MEI4: variants seen among roughly 807,000 people sequenced by gnomAD.
The protein encoded by MEI4 is meiotic double-stranded break formation protein 4.
Under a neutral mutation model 31.4 loss-of-function variants are expected in MEI4, and 27 were observed. The ratio of observed to expected loss-of-function variants is 0.86; its 90% CI spans 0.63 to 1.19. The LOEUF (loss-of-function observed/expected upper bound fraction) is 1.19, where lower values mean the gene tolerates loss of function less well. Ranked by LOEUF, MEI4 falls within the 50% of genes most tolerant of loss-of-function variation. The pLI is 0.00. For missense variants in MEI4, 329 were observed against 398.9 expected (o/e 0.82, Z 1.49); for synonymous variants, 122 against 145.4 (o/e 0.84, Z 1.16).
chr6:77,810,497 G>A (rs998943631), intron 3 of MEI4, among the ~76,000 whole-genome samples: 2 of 151,890 alleles, frequency 1.3e-5, no homozygotes, highest in African/African-American at 4.8e-5. Flanking sequence ...GGGTGAAGAA[G>A]GCATCTGCCC....
At chr6:77,802,173 A>T (rs563771712) in intron 3 of MEI4, among the ~76,000 whole-genome samples, 1 of 152,294 alleles carries the variant, frequency 6.6e-6, no homozygotes, top group African/African-American at 2.4e-5. Context: ...GTGCATATAT[A>T]GTTATGATAG....
chr6:77,846,410 G>A (rs1770488085), intron 4 of MEI4, among the ~76,000 whole-genome samples: 1 of 152,062 alleles, frequency 6.6e-6, no homozygotes, highest in African/African-American at 2.4e-5. Flanking sequence ...CACTGAACAT[G>A]TCAAATTATC....
intron 3 of MEI4, among the ~76,000 whole-genome samples, chr6:77,764,496 G>T (rs544923888): frequency 6.6e-6 from 1 of 151,930 alleles, no homozygotes; most frequent in South Asian, 2.1e-4. Context: ...TTTTGGCTTA[G>T]TTTATTCTTC....
intron 4 of MEI4, among the ~76,000 whole-genome samples, chr6:77,872,484 G>T (rs1017275284): frequency 6.6e-6 from 1 of 152,008 alleles, no homozygotes; most frequent in Non-Finnish European, 1.5e-5. Flanking sequence ...TGAATACAAA[G>T]TTGCTTTCTG....
chr6:77,834,889 A>AGGTTAT (rs1770177563), intron 4 of MEI4, among the ~76,000 whole-genome samples: 2 of 152,064 alleles, frequency 1.3e-5, no homozygotes, highest in Admixed American at 1.3e-4. Flanking sequence ...CATATAAGTA[A>AGGTTAT]ACAGGTTAGT....
intron 3 of MEI4, among the ~76,000 whole-genome samples, chr6:77,789,968 C>A (rs544204472): frequency 6.6e-6 from 1 of 152,054 alleles, no homozygotes. Flanking sequence ...ATGTTTATTG[C>A]GGCACTATTC....
In MEI4 at chr6:77,899,280, A is replaced by G. The variant is rs573121551; in HGVS notation, c.901-23809A>G. 6.1e-4 allele frequency among the ~76,000 whole-genome samples: 93 copies of G among 152,182 alleles called. 1 individual carries two copies. Among genetic ancestry groups the G allele is most frequent in the African/African-American group, 2.1e-3 (89 of 41,566 alleles). On this transcript the variant is annotated intron_variant, in intron 4 of 4. Coordinates refer to ENST00000684080, the MANE Select transcript of MEI4 (RefSeq NM_001322247.2). ...GTAAATATTTAACTGATCCATTGCC[A>G]CCTGGAACAAAACTGGAGTCTGTTG...
chr6:77,843,750 A>G (rs1770416287), intron 4 of MEI4, among the ~76,000 whole-genome samples: 2 of 152,124 alleles, frequency 1.3e-5, no homozygotes, highest in African/African-American at 4.8e-5. Context: ...AACTCAAAAT[A>G]TGAAAATAAG....
intron 3 of MEI4, among the ~76,000 whole-genome samples, chr6:77,782,943 T>G (rs978749013): frequency 1.3e-5 from 2 of 152,210 alleles, no homozygotes; most frequent in Non-Finnish European, 2.9e-5. Flanking sequence ...TTATTTCTCC[T>G]TAGAGCTTTT....
At chr6:77,874,906 A>G (rs1412877504) in intron 4 of MEI4, among the ~76,000 whole-genome samples, 3 of 152,000 alleles carry the variant, frequency 2.0e-5, no homozygotes, top group Non-Finnish European at 4.4e-5. Flanking sequence ...GCTGGATTAC[A>G]TTTATTGATT....
intron 3 of MEI4, among the ~76,000 whole-genome samples, chr6:77,805,760 G>A (rs553637188): frequency 9.2e-5 from 14 of 152,048 alleles, no homozygotes; most frequent in Admixed American, 4.6e-4. Context: ...AATATATACA[G>A]GTCTCTTACA....
chr6:77,873,570 T>C lies in MEI4; in HGVS notation c.900+44508T>C, dbSNP rs537339395. ...TCTGTAGGCTGCCTGTTCACTCTGATGGTAGTTTCTTTTGCTGTGCAGAAG... is the reference window on the plus strand; with the variant it reads ...TCTGTAGGCTGCCTGTTCACTCTGACGGTAGTTTCTTTTGCTGTGCAGAAG... On this transcript the variant is annotated intron_variant, in intron 4 of 4. Coordinates refer to ENST00000684080, the MANE Select transcript of MEI4 (RefSeq NM_001322247.2). Among the ~76,000 whole-genome samples, 699 of 152,312 alleles carry C rather than the reference T, an allele frequency of 4.6e-3. 4 individuals are homozygous for C. Among genetic ancestry groups the C allele is most frequent in the Middle Eastern group, 0.014 (4 of 292 alleles).
At chr6:77,901,148 G>A (rs1047297415) in intron 4 of MEI4, among the ~76,000 whole-genome samples, 2 of 151,862 alleles carry the variant, frequency 1.3e-5, no homozygotes, top group African/African-American at 2.4e-5. Context: ...CCCTATGTTG[G>A]TTGTTGTGAA....
chr6:77,823,155 A>T (rs2127709305), intron 3 of MEI4, among the ~76,000 whole-genome samples: 1 of 152,216 alleles, frequency 6.6e-6, no homozygotes, highest in Admixed American at 6.5e-5. Context: ...TAACACATTT[A>T]ATTATTTTTA....
At chr6:77,744,600 A>T (rs934775357) in intron 2 of MEI4, among the ~76,000 whole-genome samples, 1 of 152,204 alleles carries the variant, frequency 6.6e-6, no homozygotes, top group Non-Finnish European at 1.5e-5. Context: ...CAACATTCAG[A>T]TTCAGGAAAT....
At chr6:77,697,191 A>G (rs1411745513) in intron 2 of MEI4, among the ~76,000 whole-genome samples, 4 of 151,994 alleles carry the variant, frequency 2.6e-5, no homozygotes, top group South Asian at 2.1e-4. Context: ...CGGTCTATCA[A>G]TTTTGTTGAT....
intron 4 of MEI4, among the ~76,000 whole-genome samples, chr6:77,867,317 T>A (rs979115541): frequency 2.0e-3 from 297 of 152,258 alleles, no homozygotes; most frequent in African/African-American, 6.5e-3. Context: ...ATTTTTGCAA[T>A]CTACTCATCT....
At chr6:77,898,609 C>A (rs1010086129) in intron 4 of MEI4, among the ~76,000 whole-genome samples, 1 of 152,054 alleles carries the variant, frequency 6.6e-6, no homozygotes, top group Admixed American at 6.6e-5. Context: ...TTTACCCCTT[C>A]CAGAGGAGCT....
intron 2 of MEI4, among the ~76,000 whole-genome samples, chr6:77,727,475 ATAAAT>A (rs1414704416): frequency 6.6e-6 from 1 of 152,104 alleles, no homozygotes; most frequent in Non-Finnish European, 1.5e-5. Context: ...TGATTCCAAA[ATAAAT>A]AAGAAGAAGG....
Sources: gnomAD v4.1 joint callset for allele counts (sites outside exome capture counted in the v4.1 genomes callset) on GRCh38, gnomAD v4.1.1 for gene constraint, MANE v1.5 for transcripts, NCBI Gene and HGNC (gene_info 2026-07-23, HGNC 2026-07-21) for gene names.